Variants in MBD5 observed in about 807,000 individuals in gnomAD.
MBD5 encodes methyl-CpG-binding domain protein 5.
In MBD5, 13 loss-of-function variants were observed where a neutral mutation model predicts 117.3. That is an observed-to-expected ratio of 0.11 (90% CI 0.07 to 0.18). The LOEUF is 0.18. Among genes scored for constraint, MBD5 ranks in the 10% least tolerant of loss-of-function variants. The probability of loss-of-function intolerance (pLI) is 1.00; values close to 1 mark genes in which losing one functional copy is unlikely to be tolerated. For missense variants in MBD5, 1,879 were observed against 2,093.8 expected (o/e 0.90, Z 2.00); for synonymous variants, 727 against 766.4 (o/e 0.95, Z 0.85).
rs920579503 is a variant in MBD5 at position 148,468,533 on chromosome 2, T to C, written c.590T>C (p.Val197Ala). The C allele has an allele frequency of 6.2e-7, 1 of 1,613,772 alleles. No homozygotes were observed. The highest frequency in any genetic ancestry group is 8.5e-7 in the Non-Finnish European group (1 of 1,179,866). Residue 197 changes from valine (V) to alanine (A), a missense_variant, in exon 8 of 14, where the codon GTC (valine) becomes GCC (alanine). By Grantham distance (64) the Val-to-Ala change is moderately conservative (BLOSUM62 0). This residue lies in a region of MBD5 where 1,666 missense variants were observed against 1,792.2 expected (regional missense o/e 0.93). Transcript: ENST00000642680. ...PGSQQQELHPVYPRQRLGSSE... is the reference protein window; with the variant it reads ...PGSQQQELHPAYPRQRLGSSE... ...AGCCAACAACAAGAACTCCACCCTG[T>C]CTACCCCCGACAGAGATTGGGCAGC...
chr2:148,391,071 T>A (rs1014555475), intron 4 of MBD5, among the ~76,000 whole-genome samples: 1 of 152,160 alleles, frequency 6.6e-6, no homozygotes, highest in East Asian at 1.9e-4. Flanking sequence ...AAGTCTGAAG[T>A]CTACATTTCA....
intron 1 of MBD5, among the ~76,000 whole-genome samples, chr2:148,178,378 G>A (rs1451161354): frequency 2.0e-5 from 3 of 152,056 alleles, no homozygotes; most frequent in African/African-American, 7.2e-5. Flanking sequence ...GTTCATGCAG[G>A]ACACCACAAT....
intron 1 of MBD5, among the ~76,000 whole-genome samples, chr2:148,137,821 A>T (rs1697207613): frequency 6.6e-6 from 1 of 152,222 alleles, no homozygotes; most frequent in African/African-American, 2.4e-5. Flanking sequence ...CCATTGTGTT[A>T]AAATTGCCTA....
At chr2:148,055,382 T>G (rs1376300415) in intron 1 of MBD5, 1 of 151,998 alleles carries the variant, frequency 6.6e-6, no homozygotes, top group Non-Finnish European at 1.5e-5. Context: ...CCTTCTTTGA[T>G]TAACAATCCC....
intron 1 of MBD5, among the ~76,000 whole-genome samples, chr2:148,022,168 C>G (rs17225137): frequency 6.6e-6 from 1 of 152,098 alleles, no homozygotes; most frequent in South Asian, 2.1e-4. Context: ...GAGTGTTTTC[C>G]CCTTTTTGGT....
At chr2:148,442,599 T>G (rs2105409840) in intron 4 of MBD5, among the ~76,000 whole-genome samples, 1 of 151,420 alleles carries the variant, frequency 6.6e-6, no homozygotes, top group Non-Finnish European at 1.5e-5. Flanking sequence ...ATTTACATAA[T>G]TTCTCATCCC....
chr2:148,365,404 C>T (rs1414750515), intron 4 of MBD5, among the ~76,000 whole-genome samples: 4 of 152,156 alleles, frequency 2.6e-5, no homozygotes, highest in Admixed American at 2.6e-4. Context: ...CTAAAACCGA[C>T]ACCCTAACAT....
At chr2:148,235,886 C>T (rs59587227) in intron 3 of MBD5, among the ~76,000 whole-genome samples, 1 of 152,232 alleles carries the variant, frequency 6.6e-6, no homozygotes, top group African/African-American at 2.4e-5. Flanking sequence ...GCTGCCTTGA[C>T]TTCCTGGACT....
chr2:148,258,640 C>A (rs1471662542), intron 3 of MBD5, among the ~76,000 whole-genome samples: 1 of 152,176 alleles, frequency 6.6e-6, no homozygotes, highest in Non-Finnish European at 1.5e-5. Flanking sequence ...GGTGGCGCAG[C>A]AGTGTATTTC....
intron 3 of MBD5, among the ~76,000 whole-genome samples, chr2:148,234,594 A>G (rs1436227348): frequency 2.0e-5 from 3 of 152,162 alleles, no homozygotes; most frequent in Non-Finnish European, 2.9e-5. Flanking sequence ...CAGTCAACAG[A>G]GTTTATGGAA....
chr2:148,483,118 G>A lies in MBD5; in HGVS notation c.2527G>A (p.Gly843Arg). ...NQTSSEAGGS[G>R]PSSSIAIAGT... ...TTTTTTTTTCATTTTAGGCGGTTCA[G>A]GACCATCATCCTCCATAGCCATAGC... Residue 843 changes from glycine to arginine, a missense_variant, in exon 9 of 14, where the codon GGA (glycine) becomes AGA (arginine). Physicochemically the swap from Gly to Arg is moderately radical, Grantham distance 125. Transcript: ENST00000642680. The A allele has an allele frequency of 6.2e-7, 1 of 1,610,312 alleles. No individual in the cohort carries two copies. Among genetic ancestry groups the A allele is most frequent in the South Asian group, 1.1e-5 (1 of 91,004 alleles).
intron 3 of MBD5, among the ~76,000 whole-genome samples, chr2:148,287,726 A>G (rs1273075484): frequency 1.3e-5 from 2 of 152,214 alleles, no homozygotes; most frequent in Admixed American, 1.3e-4. Flanking sequence ...AGAGCAATAG[A>G]GCATGTGTAT....
intron 12 of MBD5, among the ~76,000 whole-genome samples, chr2:148,508,073 C>T (rs1214707311): frequency 6.6e-6 from 1 of 152,124 alleles, no homozygotes; most frequent in Non-Finnish European, 1.5e-5. Flanking sequence ...GGCAACGTGG[C>T]AATGATAATA....
At chr2:148,369,580 A>G (rs1703796989) in intron 4 of MBD5, among the ~76,000 whole-genome samples, 1 of 152,166 alleles carries the variant, frequency 6.6e-6, no homozygotes, top group Non-Finnish European at 1.5e-5. Flanking sequence ...ATCTGGATAA[A>G]GAGTTACAAG....
At chr2:148,455,326 G>A (rs1574442884) in intron 4 of MBD5, among the ~76,000 whole-genome samples, 1 of 152,262 alleles carries the variant, frequency 6.6e-6, no homozygotes, top group Admixed American at 6.6e-5. Flanking sequence ...TTAGAGGGCT[G>A]GCTGCCTGCA....
chr2:148,357,103 T>C (rs1703400270), intron 4 of MBD5, among the ~76,000 whole-genome samples: 1 of 152,200 alleles, frequency 6.6e-6, no homozygotes, highest in South Asian at 2.1e-4. Flanking sequence ...AGTGAGTGTA[T>C]GCATCCACAT....
intron 4 of MBD5, among the ~76,000 whole-genome samples, chr2:148,364,882 C>T (rs1292248492): frequency 1.3e-5 from 2 of 152,140 alleles, no homozygotes; most frequent in Admixed American, 6.5e-5. Context: ...AACTGCCACA[C>T]AATAATAGTG....
chr2:148,493,376 C>T (rs1681589706), intron 11 of MBD5, among the ~76,000 whole-genome samples: 1 of 152,202 alleles, frequency 6.6e-6, no homozygotes, highest in Non-Finnish European at 1.5e-5. Context: ...TTTATTACCC[C>T]TGACTCCACC....
chr2:148,187,316 A>G (rs1417403102), intron 2 of MBD5, among the ~76,000 whole-genome samples: 1 of 149,560 alleles, frequency 6.7e-6, no homozygotes, highest in African/African-American at 2.5e-5. Context: ...ACCCCCCCCA[A>G]AAAAAAAACC....
Sources: gnomAD v4.1 joint callset for allele counts (sites outside exome capture counted in the v4.1 genomes callset) on GRCh38, gnomAD v4.1.1 for gene constraint, gnomAD v4.1.1 regional missense constraint, MANE v1.5 for transcripts, NCBI Gene and HGNC (gene_info 2026-07-23, HGNC 2026-07-21) for gene names.